The following GPT2 variants were observed in gnomAD, a reference collection of about 807,000 sequenced individuals.
GPT2 encodes alanine aminotransferase 2.
A neutral mutation model predicts 56.9 loss-of-function variants in GPT2; 30 were observed. The ratio of observed to expected loss-of-function variants is 0.53; its 90% CI spans 0.39 to 0.72. GPT2 has a LOEUF of 0.72. Ranked by LOEUF, GPT2 falls within the 30% of genes least tolerant of loss-of-function variation. The probability of loss-of-function intolerance (pLI) is 0.00; values close to 1 mark genes in which losing one functional copy is unlikely to be tolerated. For missense variants in GPT2, 542 were observed against 703.4 expected, an observed-to-expected ratio of 0.77 and a Z score of 2.60; for synonymous variants, 271 against 283.1, an observed-to-expected ratio of 0.96 and a Z score of 0.43.
At position 46,893,117 on chromosome 16, in the gene GPT2, T is replaced by A. The variant is rs1052168010; in HGVS notation, c.244-4531T>A. On this transcript the variant is annotated intron_variant, in intron 2 of 11. Coordinates refer to ENST00000340124, the MANE Select transcript of GPT2 (RefSeq NM_133443.4). ...GTACAGGTGCAGGGTTTTTCCTGAATTTTTTGTTTGTTTGTTTGTTTTTTG... is the reference window on the plus strand; with the variant it reads ...GTACAGGTGCAGGGTTTTTCCTGAAATTTTTGTTTGTTTGTTTGTTTTTTG... Among the ~76,000 whole-genome samples the A allele has an allele frequency of 1.8e-3, 7 of 3,978 alleles. No homozygotes were observed. In the Non-Finnish European group the frequency reaches 0.049, roughly 28 times the overall value. The allele number at this position is 3,978 out of a possible 152,430, so 2.6% of individuals were successfully genotyped here.
chr16:46,898,956 G>A (rs1280186771), intron 3 of GPT2, among the ~76,000 whole-genome samples: 5 of 89,522 alleles, frequency 5.6e-5, no homozygotes, highest in Admixed American at 1.5e-4. Context: ...ACATATATGT[G>A]TATATATATA....
At chr16:46,928,856 C>T (rs1239623216) in intron 11 of GPT2, 51 bp from the exon 12 acceptor site, 11 of 1,397,116 alleles carry the variant, frequency 7.9e-6, no homozygotes, top group Non-Finnish European at 1.1e-5. Context: ...GGATTCGTTC[C>T]TCTCCCATCT....
intron 9 of GPT2, 101 bp downstream of exon 9, chr16:46,922,517 C>T (rs947923927): frequency 8.5e-7 from 1 of 1,172,378 alleles, no homozygotes; most frequent in South Asian, 1.5e-5. Context: ...ACAGCAGCCT[C>T]CTGAGGGTGT....
intron 1 of GPT2, 56 bp downstream of exon 1, chr16:46,884,523 T>G: frequency 1.7e-6 from 1 of 571,588 alleles, no homozygotes; most frequent in Non-Finnish European, 2.6e-6. Flanking sequence ...TGGGTGTGCG[T>G]TGGTGCTTCA....
At position 46,904,967 on chromosome 16, in the gene GPT2, A is replaced by C. The variant is rs1267740317; in HGVS notation, c.443-1875A>C. On this transcript the variant is annotated intron_variant, in intron 4 of 11. Transcript: ENST00000340124. ...GTTAACGTTTGCCAGTTGGCACCTTAGAGTGTTGGTTTGGCTGTTCCTTTT... is the reference window on the plus strand; with the variant it reads ...GTTAACGTTTGCCAGTTGGCACCTTCGAGTGTTGGTTTGGCTGTTCCTTTT... Among the ~76,000 whole-genome samples, 4 of 152,046 alleles carry C rather than the reference A, an allele frequency of 2.6e-5. 1 individual carries two copies. The highest frequency in any genetic ancestry group is 2.6e-4 in the Admixed American group (4 of 15,252).
intron 8 of GPT2, among the ~76,000 whole-genome samples, chr16:46,921,842 C>G (rs536552745): frequency 5.9e-5 from 9 of 152,178 alleles, no homozygotes; most frequent in African/African-American, 2.2e-4. Context: ...CATAGCAAAA[C>G]CCTATCTCTA....
At chr16:46,899,008 T>C (rs1468001929) in intron 3 of GPT2, among the ~76,000 whole-genome samples, 4 of 2,006 alleles carry the variant, frequency 2.0e-3, no homozygotes, top group Non-Finnish European at 7.2e-3. Flanking sequence ...CATATATATA[T>C]ATATATATAT....
At chr16:46,927,953 TAAA>T (rs960186476) in intron 11 of GPT2, among the ~76,000 whole-genome samples, 1 of 151,802 alleles carries the variant, frequency 6.6e-6, no homozygotes, top group African/African-American at 2.4e-5. Flanking sequence ...TGACTAGAGA[TAAA>T]AAAGGCCCCT....
chr16:46,912,377 C>T (rs1010019376), intron 6 of GPT2, among the ~76,000 whole-genome samples: 1 of 152,166 alleles, frequency 6.6e-6, no homozygotes, highest in Admixed American at 6.6e-5. Context: ...CACTTTCAGC[C>T]ATTGCCATCA....
At chr16:46,891,644 C>T (rs574551619) in intron 2 of GPT2, among the ~76,000 whole-genome samples, 25 of 152,126 alleles carry the variant, frequency 1.6e-4, no homozygotes, top group African/African-American at 2.9e-4. Flanking sequence ...CCACCGCGCC[C>T]GGGCAGTAGA....
At chr16:46,918,819 C>T (rs1596630913) in intron 8 of GPT2, 62 bp downstream of exon 8, 6 of 1,591,832 alleles carry the variant, frequency 3.8e-6, no homozygotes, top group East Asian at 2.2e-5. Context: ...GCTGCCGGCT[C>T]CTCTGCCCTG....
intron 2 of GPT2, among the ~76,000 whole-genome samples, chr16:46,893,277 C>T (rs1447572954): frequency 2.0e-5 from 3 of 152,116 alleles, no homozygotes; most frequent in Admixed American, 6.6e-5. Flanking sequence ...ACTACAGGCG[C>T]GTGCCACCAC....
intron 2 of GPT2, chr16:46,885,524 C>G: frequency 1.0e-6 from 1 of 985,302 alleles, no homozygotes; most frequent in Non-Finnish European, 1.2e-6. Flanking sequence ...CCTTTAGGCC[C>G]CTCTGGAGCC....
rs1377136384 is a variant in GPT2 at position 46,900,667 on chromosome 16, G to A, written c.334-15G>A. ...TGGGGGTGCTGGGAGCTCAGCCTGT[G>A]TCTTGTTCCCCCAGGTGATGGCACT... is the stretch of plus-strand genomic sequence containing the variant. On this transcript the variant is annotated splice_polypyrimidine_tract_variant and intron_variant, in intron 3 of 11. Coordinates refer to ENST00000340124, the MANE Select transcript of GPT2 (RefSeq NM_133443.4). 2 of 1,604,146 alleles carry A rather than the reference G, an allele frequency of 1.2e-6. No individual in the cohort carries two copies. The highest frequency in any genetic ancestry group is 1.7e-6 in the Non-Finnish European group (2 of 1,171,510).
chr16:46,901,722 T>G (rs912276639), intron 4 of GPT2, among the ~76,000 whole-genome samples: 3 of 152,128 alleles, frequency 2.0e-5, no homozygotes, highest in Non-Finnish European at 4.4e-5. Context: ...CGCCAACTTT[T>G]TCTGCTCCGT....
At chr16:46,906,742 C>T in intron 4 of GPT2, 100 bp from the exon 5 acceptor site, 6 of 1,504,864 alleles carry the variant, frequency 4.0e-6, no homozygotes, top group Non-Finnish European at 5.5e-6. Context: ...GAGACCCTCA[C>T]CCCAAACAGG....
At position 46,897,701 on chromosome 16, in the gene GPT2, G is replaced by A. The variant is rs1960710234; in HGVS notation, c.297G>A (p.Gln99=). The change falls in exon 3 of 12, where the codon CAG becomes CAA. Residue 99 remains glutamine, a synonymous_variant. Transcript: ENST00000340124. ...EVIRANIGDA[Q]AMGQQPITFL... ...TCCGAGCCAACATCGGGGACGCCCA[G>A]GCTATGGGGCAGCAGCCAATCACCT... 6.2e-7 allele frequency: 1 copy of A among 1,614,158 alleles called. No individual in the cohort carries two copies. Among genetic ancestry groups the A allele is most frequent in the Non-Finnish European group, 8.5e-7 (1 of 1,179,980 alleles).
chr16:46,903,959 C>T (rs1021342673), intron 4 of GPT2, among the ~76,000 whole-genome samples: 1 of 152,188 alleles, frequency 6.6e-6, no homozygotes, highest in Admixed American at 6.5e-5. Flanking sequence ...GTGGCATTCA[C>T]GCTCATGGGG....
At chr16:46,889,359 G>A (rs1399648950) in intron 2 of GPT2, among the ~76,000 whole-genome samples, 1 of 147,392 alleles carries the variant, frequency 6.8e-6, no homozygotes, top group African/African-American at 2.5e-5. Context: ...CTGGGCTCAA[G>A]TGATCCTCCT....
Sources: gnomAD v4.1 joint callset for allele counts (sites outside exome capture counted in the v4.1 genomes callset) on GRCh38, gnomAD v4.1.1 for gene constraint, MANE v1.5 for transcripts, NCBI Gene and HGNC (gene_info 2026-07-23, HGNC 2026-07-21) for gene names.